The following ATG7 variants were observed in gnomAD, a reference collection of about 807,000 sequenced individuals.
The protein encoded by ATG7 is autophagy related 7, also known as ubiquitin-like modifier-activating enzyme ATG7.
In ATG7, 70 loss-of-function variants were observed where a neutral mutation model predicts 82.4. The ratio of observed to expected loss-of-function variants is 0.85; its 90% CI spans 0.70 to 1.04. The LOEUF is 1.04. Ranked by LOEUF, ATG7 falls within the 50% of genes least tolerant of loss-of-function variation. ATG7 has a pLI of 0.00. For missense variants in ATG7, 792 were observed against 864.3 expected (o/e 0.92, Z 1.05); for synonymous variants, 287 against 313.0 (o/e 0.92, Z 0.88).
intron 20 of ATG7, among the ~76,000 whole-genome samples, chr3:11,491,881 C>G (rs922232078): frequency 2.0e-5 from 3 of 152,110 alleles, no homozygotes; most frequent in African/African-American, 7.2e-5. Flanking sequence ...AGGACAGGGA[C>G]ATTTAAGTTT....
At chr3:11,358,270 G>T in intron 14 of ATG7, 148 bp from the exon 15 acceptor site, 1 of 765,840 alleles carries the variant, frequency 1.3e-6, no homozygotes, top group Non-Finnish European at 2.1e-6. Flanking sequence ...AGAAGAGAGA[G>T]GGCGTGGGAA....
intron 19 of ATG7, among the ~76,000 whole-genome samples, chr3:11,392,287 A>G (rs558493855): frequency 2.8e-4 from 42 of 152,230 alleles, no homozygotes; most frequent in East Asian, 5.8e-4. Flanking sequence ...GGGCAGGGAC[A>G]TGCAGCTGCT....
At chr3:11,490,413 G>T (rs191243456) in intron 20 of ATG7, among the ~76,000 whole-genome samples, 69 of 152,262 alleles carry the variant, frequency 4.5e-4, no homozygotes, top group African/African-American at 1.6e-3. Context: ...GATGAGTCTT[G>T]ACTCTTTATC....
chr3:11,331,792 T>G (rs1004528736), intron 10 of ATG7, among the ~76,000 whole-genome samples: 2 of 152,186 alleles, frequency 1.3e-5, no homozygotes, highest in African/African-American at 4.8e-5. Context: ...CTAAAATAAT[T>G]AAAACAGAGG....
intron 20 of ATG7, among the ~76,000 whole-genome samples, chr3:11,518,133 G>A (rs144564759): frequency 6.6e-6 from 1 of 152,262 alleles, no homozygotes; most frequent in East Asian, 1.9e-4. Flanking sequence ...GTTGAGGGCG[G>A]GGCAATCAGA....
In ATG7 at chr3:11,538,712, C is replaced by CAAA. The variant is rs34720305; in HGVS notation, c.2080-16086_2080-16084dup. On this transcript the variant is annotated intron_variant, in intron 20 of 20. Transcript: ENST00000693202. ...AAAAAAAAAAAAAAAAAAAATTAGCCAAAAAAAAAAAAAAAGCCAGATGTG... is the reference window on the plus strand; with the variant it reads ...AAAAAAAAAAAAAAAAAAAATTAGCCAAAAAAAAAAAAAAAAAAGCCAGATGTG... 3.8e-3 allele frequency among the ~76,000 whole-genome samples: 318 copies of CAAA among 83,972 alleles called. 26 individuals carry two copies. Among genetic ancestry groups the CAAA allele is most frequent in the African/African-American group, 0.015 (305 of 20,768 alleles). 55.1% of individuals were successfully genotyped at this position (83,972 alleles called of 152,430 possible). A position where few individuals can be genotyped will look rare whatever the true frequency, so the allele number is the denominator to read the frequency against.
chr3:11,418,393 T>TCCCCAACCA (rs1223904687), intron 19 of ATG7, among the ~76,000 whole-genome samples: 1 of 151,948 alleles, frequency 6.6e-6, no homozygotes, highest in Non-Finnish European at 1.5e-5. Flanking sequence ...GGGTTACAGG[T>TCCCCAACCA]GTGAGCCACT....
At chr3:11,440,253 G>A (rs143314228) in intron 20 of ATG7, among the ~76,000 whole-genome samples, 149 of 151,486 alleles carry the variant, frequency 9.8e-4, no homozygotes, top group African/African-American at 3.4e-3. Flanking sequence ...ATGAACTTGC[G>A]ACTCCAATCC....
chr3:11,285,686 T>C (rs1412587642), intron 3 of ATG7, among the ~76,000 whole-genome samples: 1 of 152,160 alleles, frequency 6.6e-6, no homozygotes, highest in Non-Finnish European at 1.5e-5. Flanking sequence ...GTCAGGTTGA[T>C]TGGTTTTGCC....
At chr3:11,505,813 G>A (rs1319649846) in intron 20 of ATG7, among the ~76,000 whole-genome samples, 1 of 152,206 alleles carries the variant, frequency 6.6e-6, no homozygotes, top group Non-Finnish European at 1.5e-5. Context: ...GCTAGTCAGT[G>A]CTCGCCATTG....
chr3:11,300,605 C>G (rs1209212065), intron 5 of ATG7, among the ~76,000 whole-genome samples: 1 of 152,154 alleles, frequency 6.6e-6, no homozygotes, highest in Non-Finnish European at 1.5e-5. Flanking sequence ...AAGGATCAGA[C>G]TAGATTTGGG....
chr3:11,472,907 G>A (rs950207201), intron 20 of ATG7, among the ~76,000 whole-genome samples: 2 of 152,206 alleles, frequency 1.3e-5, no homozygotes, highest in Non-Finnish European at 2.9e-5. Flanking sequence ...AAAATTCCCA[G>A]TGGTTTTGAG....
At chr3:11,281,875 G>C (rs1290027608) in intron 2 of ATG7, among the ~76,000 whole-genome samples, 2 of 151,832 alleles carry the variant, frequency 1.3e-5, no homozygotes, top group South Asian at 4.1e-4. Context: ...TACTTCTCCC[G>C]TTTCTCAGGA....
intron 20 of ATG7, chr3:11,529,392 C>G (rs2092650122): frequency 6.6e-6 from 1 of 152,142 alleles, no homozygotes; most frequent in Non-Finnish European, 1.5e-5. Flanking sequence ...CTATAGATGA[C>G]ATTGATTTTA....
At chr3:11,400,496 C>G (rs1191009243) in intron 19 of ATG7, among the ~76,000 whole-genome samples, 3 of 152,138 alleles carry the variant, frequency 2.0e-5, no homozygotes, top group African/African-American at 7.2e-5. Flanking sequence ...TACTTGCAGA[C>G]TACTGGGAAT....
chr3:11,344,198 T>C (rs949207030), intron 13 of ATG7, among the ~76,000 whole-genome samples: 2 of 152,232 alleles, frequency 1.3e-5, no homozygotes, highest in African/African-American at 4.8e-5. Flanking sequence ...TTTGATTCTT[T>C]TGTAGCTTAA....
intron 19 of ATG7, 119 bp downstream of exon 19, chr3:11,380,171 G>A: frequency 1.1e-6 from 1 of 887,886 alleles, no homozygotes; most frequent in Non-Finnish European, 1.9e-6. Context: ...GGGAAGGGTG[G>A]GGTCTAAACC....
intron 20 of ATG7, among the ~76,000 whole-genome samples, chr3:11,469,095 G>A (rs2087136467): frequency 6.6e-6 from 1 of 152,222 alleles, no homozygotes; most frequent in Admixed American, 6.5e-5. Flanking sequence ...CAGAAGATGA[G>A]ATGGTTGAAG....
At chr3:11,400,044 T>G (rs764471781) in intron 19 of ATG7, among the ~76,000 whole-genome samples, 1 of 152,258 alleles carries the variant, frequency 6.6e-6, no homozygotes, top group Non-Finnish European at 1.5e-5. Context: ...ATAGGTGTTC[T>G]GCATGTATGC....
Sources: gnomAD v4.1 joint callset for allele counts (sites outside exome capture counted in the v4.1 genomes callset) on GRCh38, gnomAD v4.1.1 for gene constraint, MANE v1.5 for transcripts, NCBI Gene and HGNC (gene_info 2026-07-23, HGNC 2026-07-21) for gene names.